The following PSME4 variants were observed in gnomAD, a reference collection of about 807,000 sequenced individuals.
PSME4 encodes proteasome activator complex subunit 4.
PSME4 carries 89 observed loss-of-function variants against 253.9 expected under a neutral mutation model. The ratio of observed to expected loss-of-function variants is 0.35; its 90% CI spans 0.30 to 0.42. PSME4 has a LOEUF of 0.42. PSME4 is among the 10% of genes least tolerant of loss of function. The pLI is 1.00. For missense variants in PSME4, 2,014 were observed against 2,195.2 expected, an observed-to-expected ratio of 0.92 and a Z score of 1.65; for synonymous variants, 851 against 759.2, an observed-to-expected ratio of 1.12 and a Z score of -1.99.
At chr2:53,935,419 G>A (rs149973137) in intron 7 of PSME4, among the ~76,000 whole-genome samples, 2 of 152,218 alleles carry the variant, frequency 1.3e-5, no homozygotes, top group African/African-American at 4.8e-5. Flanking sequence ...TAATGTAAGT[G>A]TGTGCATCAG....
chr2:53,936,298 T>G, intron 6 of PSME4, 137 bp from the exon 7 acceptor site: 1 of 1,279,208 alleles, frequency 7.8e-7, no homozygotes, highest in Non-Finnish European at 1.0e-6. Context: ...TGACTTTGTT[T>G]TTTTTAAAAC....
intron 1 of PSME4, among the ~76,000 whole-genome samples, chr2:53,952,583 T>C (rs1408182206): frequency 6.6e-6 from 1 of 152,110 alleles, no homozygotes; most frequent in Non-Finnish European, 1.5e-5. Flanking sequence ...CCTGGAGTCA[T>C]GCATTCATTC....
intron 9 of PSME4, 135 bp from the exon 10 acceptor site, chr2:53,932,235 C>G: frequency 4.1e-6 from 3 of 726,724 alleles, no homozygotes; most frequent in Non-Finnish European, 6.7e-6. Flanking sequence ...AACTGCACAG[C>G]ATAACTAGAT....
Position 53,901,391 on chromosome 2 carries a change from T to C in PSME4, c.3244A>G (p.Lys1082Glu). Residue 1082 changes from lysine (K) to glutamate (E), a missense_variant, in exon 28 of 47, where the codon AAG becomes GAG. By Grantham distance (56) the Lys-to-Glu change is moderately conservative. Coordinates refer to ENST00000404125, the MANE Select transcript of PSME4 (RefSeq NM_014614.3). The part of the protein sequence containing the change: ...IVRLFDDLAE[K>E]IHRQYETIGL... ...ATTGTTTCATACTGCCTATGAATCT[T>C]TTCTGCAAGATCATCAAACAATCTC... 1 of 1,614,190 alleles carries C rather than the reference T, an allele frequency of 6.2e-7. No individual in the cohort carries two copies. The highest frequency in any genetic ancestry group is 8.5e-7 in the Non-Finnish European group (1 of 1,180,022).
chr2:53,949,003 T>C, intron 2 of PSME4, 140 bp downstream of exon 2: 3 of 1,179,972 alleles, frequency 2.5e-6, no homozygotes, highest in Non-Finnish European at 2.3e-6. Flanking sequence ...TTGATGAAAA[T>C]TAAGATAATG....
intron 28 of PSME4, among the ~76,000 whole-genome samples, chr2:53,901,053 C>T (rs1446179070): frequency 6.6e-6 from 1 of 152,140 alleles, no homozygotes; most frequent in Non-Finnish European, 1.5e-5. Flanking sequence ...ATAATTAACT[C>T]TTTGAAAAAT....
chr2:53,942,687 AATT>A (rs1470485769), intron 3 of PSME4, among the ~76,000 whole-genome samples: 1 of 152,196 alleles, frequency 6.6e-6, no homozygotes, highest in East Asian at 1.9e-4. Flanking sequence ...AATAAATGTT[AATT>A]ATTATTTCAT....
At chr2:53,913,168 T>C (rs1418238940) in intron 20 of PSME4, among the ~76,000 whole-genome samples, 1 of 152,166 alleles carries the variant, frequency 6.6e-6, no homozygotes, top group Non-Finnish European at 1.5e-5. Flanking sequence ...TATGTAATAA[T>C]AATAAAATTA....
chr2:53,887,608 A>C, intron 39 of PSME4, 141 bp from the exon 40 acceptor site: 1 of 910,660 alleles, frequency 1.1e-6, no homozygotes, highest in African/African-American at 1.7e-5. Context: ...TGTGTAAAAG[A>C]AGCCTTATAA....
In PSME4 at chr2:53,937,497, G is replaced by A; in HGVS notation, c.589C>T (p.Arg197Ter). The A allele has an allele frequency of 6.2e-7, 1 of 1,611,320 alleles. No individual in the cohort carries two copies. Among genetic ancestry groups the A allele is most frequent in the Non-Finnish European group, 8.5e-7 (1 of 1,178,948 alleles). The change falls in exon 5 of 47, where the codon CGA becomes TGA. Residue 197 changes from arginine to a stop codon, truncating the protein, a stop_gained. Coordinates refer to ENST00000404125, the MANE Select transcript of PSME4 (RefSeq NM_014614.3). LOFTEE classifies it high-confidence loss of function. ...ACATCAAAAGGGCACATTAAAGGTC[G>A]CCATTCTTCTAGCATCTCAGCGGTG... The part of the protein sequence containing the change: ...DATAEMLEEW[R>*]PLMCPFDVTM...
chr2:53,921,685 G>C (rs1195686186), intron 17 of PSME4, among the ~76,000 whole-genome samples: 1 of 117,670 alleles, frequency 8.5e-6, no homozygotes, highest in Non-Finnish European at 1.8e-5. Context: ...CGGCTAAAAC[G>C]GTGAAACCCC....
At chr2:53,941,435 T>C (rs1669451044) in intron 3 of PSME4, among the ~76,000 whole-genome samples, 1 of 149,096 alleles carries the variant, frequency 6.7e-6, no homozygotes, top group Non-Finnish European at 1.5e-5. Flanking sequence ...GTTTGCCCAT[T>C]AAAAAAAAAC....
chr2:53,943,459 A>T (rs1158938583), intron 3 of PSME4, among the ~76,000 whole-genome samples: 1 of 152,200 alleles, frequency 6.6e-6, no homozygotes, highest in Non-Finnish European at 1.5e-5. Flanking sequence ...TCAAAATCTA[A>T]TATTGATTGC....
intron 30 of PSME4, 77 bp downstream of exon 30, chr2:53,898,224 C>T: frequency 7.4e-7 from 1 of 1,359,102 alleles, no homozygotes. Context: ...CATAGTCATT[C>T]ATAGCCTTCC....
chr2:53,897,683 A>G (rs1439149395), intron 31 of PSME4, among the ~76,000 whole-genome samples, 187 bp downstream of exon 31: 1 of 152,208 alleles, frequency 6.6e-6, no homozygotes, highest in African/African-American at 2.4e-5. Context: ...TCTTTTAAAC[A>G]GAGTGCCTAA....
chr2:53,934,758 T>C (rs755225115), intron 7 of PSME4, 31 bp from the exon 8 acceptor site: 6 of 1,493,228 alleles, frequency 4.0e-6, no homozygotes, highest in Admixed American at 1.7e-5. Context: ...GTAAGGATAT[T>C]TACAGGTATC....
intron 1 of PSME4, among the ~76,000 whole-genome samples, chr2:53,964,521 T>G (rs1670628754): frequency 6.6e-6 from 1 of 152,208 alleles, no homozygotes; most frequent in East Asian, 1.9e-4. Context: ...AAACCTCTTC[T>G]ATCACTCTCT....
chr2:53,896,663 GTTTCCTTCATA>G (rs1680150979), intron 32 of PSME4, 130 bp downstream of exon 32: 1 of 630,768 alleles, frequency 1.6e-6, no homozygotes, highest in African/African-American at 1.9e-5. Context: ...TAAGTCAACT[GTTTCCTTCATA>G]ATATTATTTA....
At chr2:53,953,487 T>TA (rs67192995) in intron 1 of PSME4, among the ~76,000 whole-genome samples, 12 of 122,990 alleles carry the variant, frequency 9.8e-5, no homozygotes, top group East Asian at 2.4e-4. Context: ...CCATGTCTAT[T>TA]AAAAAAAAAA....
Sources: allele counts gnomAD v4.1 joint callset (sites outside exome capture counted in the v4.1 genomes callset), GRCh38; gene constraint gnomAD v4.1.1; transcripts MANE v1.5; gene names NCBI Gene and HGNC (gene_info 2026-07-23, HGNC 2026-07-21).